The following KPNB1 variants were observed in gnomAD, a reference collection of about 807,000 sequenced individuals.
KPNB1 encodes karyopherin subunit beta 1, also known as importin subunit beta-1.
KPNB1 carries 7 observed loss-of-function variants against 113.0 expected under a neutral mutation model. The observed-to-expected ratio is 0.06, with a 90% confidence interval of 0.04 to 0.12. The LOEUF (loss-of-function observed/expected upper bound fraction) is 0.12. Among genes scored for constraint, KPNB1 ranks in the 10% least tolerant of loss-of-function variants. KPNB1 has a pLI of 1.00. For synonymous variants in KPNB1, 363 were observed against 378.6 expected, an observed-to-expected ratio of 0.96 and a Z score of 0.48; for missense variants, 400 against 1,054.8, an observed-to-expected ratio of 0.38 and a Z score of 8.60.
rs577403002 is a variant in KPNB1 at position 47,651,513 on chromosome 17, A to T, written c.99+1069A>T. On this transcript the variant is annotated intron_variant, in intron 2 of 21. Transcript: ENST00000290158. The stretch of plus-strand genomic sequence containing the variant: ...GAATGATTTTTTTGTTGTTTTTCAT[A>T]TGTGCCAATTTTTACAACTAACCTG... 18 of 233,650 alleles carry T rather than the reference A, an allele frequency of 7.7e-5. No homozygotes were observed. In the South Asian group the frequency reaches 2.7e-3, roughly 35 times the overall value. 14.5% of individuals were successfully genotyped at this position (233,650 alleles called of 1,614,324 possible). A position where few individuals can be genotyped will look rare whatever the true frequency, so the allele number is the denominator to read the frequency against.
At chr17:47,650,562 C>CCCCCGCCCCATCCCGT in intron 2 of KPNB1, 118 bp downstream of exon 2, 1 of 721,922 alleles carries the variant, frequency 1.4e-6, no homozygotes, top group Non-Finnish European at 2.3e-6. Flanking sequence ...CCGTCCCCCT[C>CCCCCGCCCCATCCCGT]CCCCCTCCCC....
At chr17:47,653,223 A>G (rs1488213345) in intron 3 of KPNB1, among the ~76,000 whole-genome samples, 1 of 151,640 alleles carries the variant, frequency 6.6e-6, no homozygotes, top group Non-Finnish European at 1.5e-5. Context: ...GGTATTTCCA[A>G]GCTCTCCAGA....
chr17:47,656,058 G>A (rs1305355132), intron 3 of KPNB1, among the ~76,000 whole-genome samples: 5 of 151,930 alleles, frequency 3.3e-5, no homozygotes, highest in Middle Eastern at 3.2e-3. Context: ...GTTTGAGACT[G>A]TCCTGGCCAA....
At position 47,649,986 on chromosome 17, in the gene KPNB1, C is replaced by G; in HGVS notation, c.-259C>G. 7.6e-7 allele frequency: 1 copy of G among 1,323,750 alleles called. No homozygotes were observed. 82.0% of individuals were successfully genotyped at this position (1,323,750 alleles called of 1,614,324 possible). ...CTTTCTCCCTCCGCCTCCCGAGCACCAGCGCGCTCTGAGCTGCCCCCAGGG... is the reference window on the plus strand; with the variant it reads ...CTTTCTCCCTCCGCCTCCCGAGCACGAGCGCGCTCTGAGCTGCCCCCAGGG... On this transcript the variant is annotated 5_prime_UTR_variant, in exon 1 of 22. Transcript: ENST00000290158.
chr17:47,655,978 G>C (rs1915706050), intron 3 of KPNB1, among the ~76,000 whole-genome samples: 1 of 152,194 alleles, frequency 6.6e-6, no homozygotes, highest in South Asian at 2.1e-4. Flanking sequence ...CTGAGGCCAG[G>C]CACAGTGGCT....
Position 47,649,924 on chromosome 17 carries a change from C to T in KPNB1, c.-321C>T. The T allele has an allele frequency of 1.6e-6, 2 of 1,280,148 alleles. No individual in the cohort carries two copies. The highest frequency in any genetic ancestry group is 2.9e-4 in the Middle Eastern group (1 of 3,416). 79.3% of individuals were successfully genotyped at this position (1,280,148 alleles called of 1,614,324 possible). A position where few individuals can be genotyped will look rare whatever the true frequency, so the allele number is the denominator to read the frequency against. ...GCCTTCCTCCCTCCCTCGCTCCCTC[C>T]CTGCGCGCCGCCTCTCACTCACAGC... On this transcript the variant is annotated 5_prime_UTR_variant, in exon 1 of 22. Coordinates refer to ENST00000290158, the MANE Select transcript of KPNB1 (RefSeq NM_002265.6).
intron 11 of KPNB1, 25 bp from the exon 12 acceptor site, chr17:47,670,677 A>C (rs1179532483): frequency 6.3e-7 from 1 of 1,583,666 alleles, no homozygotes; most frequent in Non-Finnish European, 8.6e-7. Flanking sequence ...TTTCAGGATT[A>C]ACATTGAACC....
intron 16 of KPNB1, 52 bp from the exon 17 acceptor site, chr17:47,676,968 C>A: frequency 1.4e-6 from 2 of 1,384,820 alleles, no homozygotes; most frequent in South Asian, 1.2e-5. Context: ...TAATATCTTG[C>A]CCCAGCAGGC....
At chr17:47,652,662 T>C (rs892642871) in intron 2 of KPNB1, 32 bp from the exon 3 acceptor site, 1 of 1,489,776 alleles carries the variant, frequency 6.7e-7, no homozygotes, top group Non-Finnish European at 9.0e-7. Flanking sequence ...TCCTAAGATA[T>C]TTTTATTTAC....
rs986786901 is a variant in KPNB1, at chr17:47,650,142, C to G, written c.-103C>G. The G allele has an allele frequency of 3.1e-6, 3 of 957,474 alleles. No homozygotes were observed. Among genetic ancestry groups the G allele is most frequent in the Non-Finnish European group, 3.9e-6 (3 of 768,142 alleles). The allele number at this position is 957,474 out of a possible 1,614,324, so 59.3% of individuals were successfully genotyped here. A position where few individuals can be genotyped will look rare whatever the true frequency, so the allele number is the denominator to read the frequency against. ...GGTGACCCCCGCCCCCCACCCCACC[C>G]TCCCTTCCCACCCGACCCCCAACCC... is the stretch of plus-strand genomic sequence containing the variant. On this transcript the variant is annotated 5_prime_UTR_variant, in exon 1 of 22. Coordinates refer to ENST00000290158, the MANE Select transcript of KPNB1 (RefSeq NM_002265.6).
chr17:47,676,922 G>A (rs2030631248), intron 16 of KPNB1, 98 bp from the exon 17 acceptor site: 2 of 862,308 alleles, frequency 2.3e-6, no homozygotes, highest in Middle Eastern at 2.3e-4. Flanking sequence ...TTTAACTCTA[G>A]GTTCAAGTGA....
intron 20 of KPNB1, 60 bp downstream of exon 20, chr17:47,680,194 T>TG (rs2143182501): frequency 8.3e-7 from 1 of 1,206,202 alleles, no homozygotes; most frequent in African/African-American, 1.5e-5. Context: ...TGAGAAAACA[T>TG]GGAGTAAGGA....
intron 8 of KPNB1, among the ~76,000 whole-genome samples, chr17:47,664,558 G>A (rs1171318058): frequency 6.6e-6 from 1 of 152,104 alleles, no homozygotes; most frequent in African/African-American, 2.4e-5. Context: ...GATGCCTGAT[G>A]CTGAATTATT....
intron 17 of KPNB1, among the ~76,000 whole-genome samples, chr17:47,677,472 CAAAAAAA>C (rs746941632): frequency 0.038 from 2,000 of 53,262 alleles, 21 homozygotes; most frequent in Middle Eastern, 0.1. Context: ...AACTCCGTCT[CAAAAAAA>C]AAAAAAAAAA....
At chr17:47,656,757 AG>A in intron 3 of KPNB1, 102 bp from the exon 4 acceptor site, 3 of 1,167,934 alleles carry the variant, frequency 2.6e-6, no homozygotes, top group Non-Finnish European at 3.7e-6. Context: ...TAAGAAAGAA[AG>A]AAAAAAAAGA....
chr17:47,652,162 T>A (rs1439790916), intron 2 of KPNB1, among the ~76,000 whole-genome samples: 1 of 152,186 alleles, frequency 6.6e-6, no homozygotes, highest in Non-Finnish European at 1.5e-5. Context: ...AAAGATCACC[T>A]CCTTCCATGG....
At position 47,675,392 on chromosome 17, in the gene KPNB1, T is replaced by TTTTTTTTTTTTTTTTTTTC. The variant is rs2030585995; in HGVS notation, c.1912+617_1912+618insTTTTTTTTTTTCTTTTTTT. ...TTTTTGTTTTTTTTTTTTGTTTGTT[T>TTTTTTTTTTTTTTTTTTTC]TTTTTTTGAGACTTGTTCTGTTGCC... On this transcript the variant is annotated intron_variant, in intron 15 of 21. Coordinates refer to ENST00000290158, the MANE Select transcript of KPNB1 (RefSeq NM_002265.6). Among the ~76,000 whole-genome samples the TTTTTTTTTTTTTTTTTTTC allele has an allele frequency of 1.5e-5, 2 of 131,078 alleles. 1 individual carries two copies. The highest frequency in any genetic ancestry group is 3.3e-5 in the Non-Finnish European group (2 of 61,320). 86.0% of individuals were successfully genotyped at this position (131,078 alleles called of 152,430 possible).
At position 47,679,898 on chromosome 17, in the gene KPNB1, C is replaced by T. The variant is rs9909975; in HGVS notation, c.2354-122C>T. The stretch of plus-strand genomic sequence containing the variant: ...ATTTTTAGTAGAGACGGGGTTTCAC[C>T]GAGTTAGCCAGGATGGTCTCGATCT... On this transcript the variant is annotated intron_variant, in intron 19 of 21. Coordinates refer to ENST00000290158, the MANE Select transcript of KPNB1 (RefSeq NM_002265.6). The T allele has an allele frequency of 1.8e-3, 1,164 of 644,096 alleles. 7 individuals are homozygous for T. In the African/African-American group the frequency reaches 0.019, roughly 11 times the overall value. The allele number at this position is 644,096 out of a possible 1,614,324, so 39.9% of individuals were successfully genotyped here. A position where few individuals can be genotyped will look rare whatever the true frequency, so the allele number is the denominator to read the frequency against.
chr17:47,673,290 A>T, intron 13 of KPNB1, 125 bp downstream of exon 13: 2 of 1,057,292 alleles, frequency 1.9e-6, no homozygotes, highest in Non-Finnish European at 2.8e-6. Flanking sequence ...AAAGATAATA[A>T]AGCTTATACA....
Sources: allele counts gnomAD v4.1 joint callset (sites outside exome capture counted in the v4.1 genomes callset), GRCh38; gene constraint gnomAD v4.1.1; transcripts MANE v1.5; gene names NCBI Gene and HGNC (gene_info 2026-07-23, HGNC 2026-07-21).